The following PDZRN4 variants were observed in gnomAD, a reference collection of about 807,000 sequenced individuals.
PDZRN4 encodes PDZ domain-containing RING finger protein 4.
In PDZRN4, 70 loss-of-function variants were observed where a neutral mutation model predicts 99.0. The ratio of observed to expected loss-of-function variants is 0.71; its 90% CI spans 0.58 to 0.86. The LOEUF (loss-of-function observed/expected upper bound fraction) is 0.86. PDZRN4 is among the 40% of genes least tolerant of loss of function. The probability of loss-of-function intolerance (pLI) is 0.00; values close to 1 mark genes in which losing one functional copy is unlikely to be tolerated. For synonymous variants in PDZRN4, 551 were observed against 501.6 expected (o/e 1.10, Z -1.32); for missense variants, 1,474 against 1,331.2 (o/e 1.11, Z -1.67).
chr12:41,396,225 TA>T (rs1405723453), intron 3 of PDZRN4, among the ~76,000 whole-genome samples: 9 of 152,154 alleles, frequency 5.9e-5, no homozygotes, highest in Admixed American at 5.2e-4. Flanking sequence ...TAATAAGGAT[TA>T]TTTTTCCTCT....
rs1939549460 is a variant in PDZRN4, at chr12:41,574,656, C to G, written c.*766C>G. The G allele has an allele frequency of 6.6e-6, 1 of 152,384 alleles. No homozygotes were observed. 9.4% of individuals were successfully genotyped at this position (152,384 alleles called of 1,614,324 possible). On this transcript the variant is annotated 3_prime_UTR_variant, in exon 10 of 10. Transcript: ENST00000402685. ...GTTATAAAGTAGTTATATGTGTATACTATTTAGAAGACGCCTAATTGTGGA... is the reference window on the plus strand; with the variant it reads ...GTTATAAAGTAGTTATATGTGTATAGTATTTAGAAGACGCCTAATTGTGGA...
chr12:41,368,493 A>G (rs1454668525), intron 3 of PDZRN4, among the ~76,000 whole-genome samples: 1 of 152,054 alleles, frequency 6.6e-6, no homozygotes, highest in African/African-American at 2.4e-5. Context: ...GGTGAGATTT[A>G]AAGGAATTAT....
intron 3 of PDZRN4, among the ~76,000 whole-genome samples, chr12:41,498,593 G>A (rs780975505): frequency 2.0e-5 from 3 of 152,052 alleles, no homozygotes; most frequent in Non-Finnish European, 4.4e-5. Flanking sequence ...TAATCCATCC[G>A]TCAGTGCAGA....
intron 3 of PDZRN4, among the ~76,000 whole-genome samples, chr12:41,263,614 G>A (rs548183620): frequency 2.7e-4 from 41 of 152,114 alleles, no homozygotes; most frequent in African/African-American, 9.9e-4. Context: ...TTGAACCTGG[G>A]AGGCGGAGGT....
At chr12:41,352,053 A>G (rs190246449) in intron 3 of PDZRN4, among the ~76,000 whole-genome samples, 51 of 152,164 alleles carry the variant, frequency 3.4e-4, no homozygotes, top group Admixed American at 1.1e-3. Flanking sequence ...GGAAATAAAT[A>G]GCATGAAAAC....
intron 3 of PDZRN4, among the ~76,000 whole-genome samples, chr12:41,372,570 G>A (rs1952049399): frequency 6.6e-6 from 1 of 152,150 alleles, no homozygotes; most frequent in South Asian, 2.1e-4. Context: ...TAGATGAAGA[G>A]TCAGGTATAC....
At chr12:41,307,558 A>G (rs1354612470) in intron 3 of PDZRN4, among the ~76,000 whole-genome samples, 2 of 152,176 alleles carry the variant, frequency 1.3e-5, no homozygotes, top group African/African-American at 4.8e-5. Context: ...GGCCATAAGT[A>G]AAGCAAAAGA....
chr12:41,286,336 C>CTTTTTTTTTTTTTTT lies in PDZRN4; in HGVS notation c.843+92157_843+92171dup, dbSNP rs71081721. Among the ~76,000 whole-genome samples the CTTTTTTTTTTTTTTT allele has an allele frequency of 1.9e-3, 205 of 106,178 alleles. 1 individual carries two copies. Among genetic ancestry groups the CTTTTTTTTTTTTTTT allele is most frequent in the Middle Eastern group, 5.3e-3 (1 of 190 alleles). The allele number at this position is 106,178 out of a possible 152,430, so 69.7% of individuals were successfully genotyped here. A position where few individuals can be genotyped will look rare whatever the true frequency, so the allele number is the denominator to read the frequency against. On this transcript the variant is annotated intron_variant, in intron 3 of 9. Coordinates refer to ENST00000402685, the MANE Select transcript of PDZRN4 (RefSeq NM_001164595.2). The stretch of plus-strand genomic sequence containing the variant: ...TTTACAGATCATTTTCCTTCTTCTT[C>CTTTTTTTTTTTTTTT]TTTTTTTTTTTTTTTTTTTTTTTGT...
At chr12:41,399,628 T>C (rs1047782996) in intron 3 of PDZRN4, among the ~76,000 whole-genome samples, 3 of 151,538 alleles carry the variant, frequency 2.0e-5, no homozygotes, top group African/African-American at 7.3e-5. Context: ...GCCAGCTACC[T>C]GGGAGGCTGA....
At chr12:41,524,828 G>A (rs1202960895) in intron 5 of PDZRN4, among the ~76,000 whole-genome samples, 2 of 152,152 alleles carry the variant, frequency 1.3e-5, no homozygotes, top group Non-Finnish European at 2.9e-5. Context: ...ACAGAGAAAG[G>A]TGGTAAGTAA....
chr12:41,216,295 G>A (rs1950920442), intron 3 of PDZRN4, among the ~76,000 whole-genome samples: 1 of 151,942 alleles, frequency 6.6e-6, no homozygotes, highest in Non-Finnish European at 1.5e-5. Flanking sequence ...CAATCATTAT[G>A]CAAATTCTTA....
chr12:41,395,004 A>C (rs933205623), intron 3 of PDZRN4, among the ~76,000 whole-genome samples: 6 of 152,168 alleles, frequency 3.9e-5, no homozygotes, highest in African/African-American at 1.4e-4. Flanking sequence ...AGTATGAAAT[A>C]ATTTTTTAAA....
chr12:41,564,069 G>T (rs1939319496), intron 8 of PDZRN4, among the ~76,000 whole-genome samples: 1 of 151,942 alleles, frequency 6.6e-6, no homozygotes, highest in African/African-American at 2.4e-5. Flanking sequence ...GTGGATCCTT[G>T]CTTTAAGTTT....
At chr12:41,219,711 T>G (rs1171289071) in intron 3 of PDZRN4, among the ~76,000 whole-genome samples, 1 of 152,114 alleles carries the variant, frequency 6.6e-6, no homozygotes, top group Non-Finnish European at 1.5e-5. Flanking sequence ...GAAGCAACCT[T>G]GATATGATAT....
At chr12:41,374,837 G>C (rs369128294) in intron 3 of PDZRN4, among the ~76,000 whole-genome samples, 2 of 152,262 alleles carry the variant, frequency 1.3e-5, no homozygotes, top group Admixed American at 6.5e-5. Context: ...TTGAAATTTA[G>C]TTCTTTTTCC....
Position 41,188,695 on chromosome 12 carries a change from G to C in PDZRN4, c.240G>C (p.Gln80His). The change falls in exon 1 of 10, where the codon CAG (glutamine) becomes CAC (histidine). Residue 80 changes from glutamine (Q) to histidine (H), a missense_variant. By Grantham distance (24) the Gln-to-His change is conservative. Transcript: ENST00000402685. ...GCCTCATCCAGAAGCTGCGAGTCCAGTGCGACTACCGCGCCCGCGGCTGCG... is the reference window on the plus strand; with the variant it reads ...GCCTCATCCAGAAGCTGCGAGTCCACTGCGACTACCGCGCCCGCGGCTGCG... ...LRSLIQKLRV[Q>H]CDYRARGCGH... 6.4e-7 allele frequency: 1 copy of C among 1,556,208 alleles called. No homozygotes were observed.
Position 41,573,948 on chromosome 12 carries a change from G to C in PDZRN4, c.*58G>C. 1 of 1,234,752 alleles carries C rather than the reference G, an allele frequency of 8.1e-7. No homozygotes were observed. Among genetic ancestry groups the C allele is most frequent in the Non-Finnish European group, 1.1e-6 (1 of 894,610 alleles). The allele number at this position is 1,234,752 out of a possible 1,614,324, so 76.5% of individuals were successfully genotyped here. ...GGAGGATGCTACCAGTTTCGGTAGAGTATGATTGCCTCGTTCAATGTGGCG... is the reference window on the plus strand; with the variant it reads ...GGAGGATGCTACCAGTTTCGGTAGACTATGATTGCCTCGTTCAATGTGGCG... On this transcript the variant is annotated 3_prime_UTR_variant, in exon 10 of 10. Transcript: ENST00000402685.
chr12:41,327,653 A>G (rs1029996251), intron 3 of PDZRN4, among the ~76,000 whole-genome samples: 2 of 152,186 alleles, frequency 1.3e-5, no homozygotes, highest in African/African-American at 4.8e-5. Context: ...TGAAATGGCT[A>G]CTATCACTTT....
At chr12:41,484,700 G>A (rs1217451046) in intron 3 of PDZRN4, among the ~76,000 whole-genome samples, 1 of 152,150 alleles carries the variant, frequency 6.6e-6, no homozygotes, top group African/African-American at 2.4e-5. Context: ...GATTTCTGTT[G>A]CCCAGATTTG....
Sources: allele counts gnomAD v4.1 joint callset (sites outside exome capture counted in the v4.1 genomes callset), GRCh38; gene constraint gnomAD v4.1.1; transcripts MANE v1.5; gene names NCBI Gene and HGNC (gene_info 2026-07-23, HGNC 2026-07-21).